Variants in GRIN2D observed in about 807,000 individuals in gnomAD.
The protein encoded by GRIN2D is glutamate receptor ionotropic, NMDA 2D.
In GRIN2D, 37 loss-of-function variants were observed where a neutral mutation model predicts 103.2. The observed-to-expected ratio is 0.36, with a 90% confidence interval of 0.28 to 0.47. GRIN2D has a LOEUF of 0.47. Among genes scored for constraint, GRIN2D ranks in the 20% least tolerant of loss-of-function variants. The pLI, the probability that GRIN2D is intolerant of heterozygous loss-of-function variation, is 1.00. For synonymous variants in GRIN2D, 845 were observed against 885.6 expected (o/e 0.95, Z 0.81); for missense variants, 1,557 against 1,910.6 (o/e 0.81, Z 3.45).
In GRIN2D at chr19:48,410,145, C is replaced by T. The variant is rs546204957; in HGVS notation, c.1086-3846C>T. 1.5e-4 allele frequency among the ~76,000 whole-genome samples: 22 copies of T among 151,066 alleles called. No individual in the cohort carries two copies. In the South Asian group the frequency reaches 1.5e-3, roughly 10 times the overall value. On this transcript the variant is annotated intron_variant, in intron 4 of 13. Coordinates refer to ENST00000263269, the MANE Select transcript of GRIN2D (RefSeq NM_000836.4). ...GAAATAGTATTCCAGTCAGGGGAAA[C>T]GAGCATATGCAAAAACCCAGAGGGG... is the stretch of plus-strand genomic sequence containing the variant.
Position 48,442,048 on chromosome 19 carries a change from G to A in GRIN2D, c.2440+92G>A, listed in dbSNP as rs976289259. 1 of 1,507,042 alleles carries A rather than the reference G, an allele frequency of 6.6e-7. No homozygotes were observed. The highest frequency in any genetic ancestry group is 9.1e-7 in the Non-Finnish European group (1 of 1,100,508). The allele number at this position is 1,507,042 out of a possible 1,614,324, so 93.4% of individuals were successfully genotyped here. On this transcript the variant is annotated intron_variant, in intron 12 of 13. Coordinates refer to ENST00000263269, the MANE Select transcript of GRIN2D (RefSeq NM_000836.4). This position sits in a 1 kb window ranked among gnomAD's most constrained non-coding sequence, Gnocchi z 7.2. ...GAAAGGGACAAAGACCCGGACACCAGGGTCTGAGGGAGGAAGGGGCTAAGG... is the reference window on the plus strand; with the variant it reads ...GAAAGGGACAAAGACCCGGACACCAAGGTCTGAGGGAGGAAGGGGCTAAGG...
chr19:48,420,211 G>C (rs1971004086), intron 10 of GRIN2D, among the ~76,000 whole-genome samples: 2 of 147,324 alleles, frequency 1.4e-5, no homozygotes, highest in African/African-American at 2.5e-5. Context: ...GGCGGATCAC[G>C]AGGTCAGGAG....
At chr19:48,406,114 T>TCTATTCTGATTAGCTAGACGC (rs1970789049) in intron 4 of GRIN2D, among the ~76,000 whole-genome samples, 2 of 152,152 alleles carry the variant, frequency 1.3e-5, no homozygotes, top group African/African-American at 4.8e-5. Context: ...TAGCTAGACG[T>TCTATTCTGATTAGCTAGACGC]CTATTCTGAT....
In GRIN2D at chr19:48,419,677, G is replaced by A; in HGVS notation, c.1954G>A (p.Gly652Arg). ...TTCGGTGCCCGTGGAGAACCCCCGG[G>A]GAACCACCAGCAAAATCATGGTGCT... is the stretch of plus-strand genomic sequence containing the variant. ...NNSVPVENPR[G>R]TTSKIMVLVW... Residue 652 changes from glycine (G) to arginine (R), a missense_variant, in exon 10 of 14, where the codon GGA (glycine) becomes AGA (arginine). Gly to Arg is a moderately radical substitution (Grantham distance 125). Around this residue, in one of 7 missense-constraint regions of GRIN2D, gnomAD observed 197 missense variants for 334.1 expected, o/e 0.59. Transcript: ENST00000263269. The A allele has an allele frequency of 6.2e-7, 1 of 1,613,598 alleles. No individual in the cohort carries two copies. The highest frequency in any genetic ancestry group is 1.1e-5 in the South Asian group (1 of 91,048).
At chr19:48,439,248 A>G (rs942092266) in intron 11 of GRIN2D, among the ~76,000 whole-genome samples, 1 of 151,492 alleles carries the variant, frequency 6.6e-6, no homozygotes, top group Admixed American at 6.6e-5. Context: ...AAACAAATAA[A>G]TAAATAAATA....
In GRIN2D at chr19:48,441,760, TC is replaced by T; in HGVS notation, c.2253-3del. 6.2e-7 allele frequency: 1 copy of T among 1,603,226 alleles called. No individual in the cohort carries two copies. Among genetic ancestry groups the T allele is most frequent in the Non-Finnish European group, 8.5e-7 (1 of 1,172,786 alleles). Reference sequence around the variant, plus strand: ...GACTGACCCTACCCTCCATTCCCCCTCCCCCCAGGAAGCTGGACGCCTTCAT... The same window carrying T: ...GACTGACCCTACCCTCCATTCCCCCTCCCCCAGGAAGCTGGACGCCTTCAT... On this transcript the variant is annotated splice_region_variant and splice_polypyrimidine_tract_variant and intron_variant, in intron 11 of 13. Transcript: ENST00000263269.
At chr19:48,441,033 G>A (rs114476665) in intron 11 of GRIN2D, among the ~76,000 whole-genome samples, 1,854 of 152,168 alleles carry the variant, frequency 0.012, 34 homozygotes, top group African/African-American at 0.043. Context: ...ACTCTTTGGA[G>A]GGCTATGGTG....
At chr19:48,413,466 A>C (rs1481973966) in intron 4 of GRIN2D, among the ~76,000 whole-genome samples, 1 of 152,008 alleles carries the variant, frequency 6.6e-6, no homozygotes, top group African/African-American at 2.4e-5. Flanking sequence ...GTGACAGAGC[A>C]AGACTCTGTC....
rs181374749 is a variant in GRIN2D at position 48,431,611 on chromosome 19, T to C, written c.2252+9666T>C. Among the ~76,000 whole-genome samples, 56 of 147,660 alleles carry C rather than the reference T, an allele frequency of 3.8e-4. 2 individuals are homozygous for C. In the East Asian group the frequency reaches 6.4e-3, roughly 17 times the overall value. On this transcript the variant is annotated intron_variant, in intron 11 of 13. Coordinates refer to ENST00000263269, the MANE Select transcript of GRIN2D (RefSeq NM_000836.4). ...TTTTTTTTTTTTTTTTGAGACGGAG[T>C]TTCACTCTTGTTGCCCAGGCTGGAG...
At chr19:48,418,912 CTAGGGGTATGGGTGTGCCAT>C in intron 8 of GRIN2D, among the ~76,000 whole-genome samples, 1 of 152,116 alleles carries the variant, frequency 6.6e-6, no homozygotes, top group East Asian at 1.9e-4. Flanking sequence ...TGGCTGCCTC[CTAGGGGTATGGGTGTGCCAT>C]AAGACTATCT....
chr19:48,438,300 T>TG (rs1971254874), intron 11 of GRIN2D, among the ~76,000 whole-genome samples: 1 of 129,282 alleles, frequency 7.7e-6, no homozygotes, highest in African/African-American at 3.0e-5. Context: ...TTTTTTTTTT[T>TG]TTTTTTTTTT....
At position 48,442,914 on chromosome 19, in the gene GRIN2D, C is replaced by T. The variant is rs1056158936; in HGVS notation, c.2988C>T (p.Ala996=). The part of the protein sequence containing the change: ...GAAGRPLSPP[A]AQPPQKPPPS... Reference sequence around the variant, plus strand: ...CCGGGCGCCCGCTGTCCCCGCCGGCCGCTCAGCCCCCGCAGAAGCCGCCGC... The same window carrying T: ...CCGGGCGCCCGCTGTCCCCGCCGGCTGCTCAGCCCCCGCAGAAGCCGCCGC... Residue 996 remains alanine (A), a synonymous_variant, in exon 14 of 14, where the codon GCC becomes GCT. Coordinates refer to ENST00000263269, the MANE Select transcript of GRIN2D (RefSeq NM_000836.4). The surrounding 1 kb of genome is among the most constrained non-coding windows in gnomAD (Gnocchi z 7.2). 7.2e-6 allele frequency: 8 copies of T among 1,108,992 alleles called. No homozygotes were observed. Among genetic ancestry groups the T allele is most frequent in the Admixed American group, 9.9e-5 (2 of 20,234 alleles). 68.7% of individuals were successfully genotyped at this position (1,108,992 alleles called of 1,614,324 possible). A position where few individuals can be genotyped will look rare whatever the true frequency, so the allele number is the denominator to read the frequency against.
In GRIN2D at chr19:48,421,254, C is replaced by T. The variant is rs1476253314; in HGVS notation, c.2092-531C>T. Among the ~76,000 whole-genome samples, 2 of 151,972 alleles carry T rather than the reference C, an allele frequency of 1.3e-5. No individual in the cohort carries two copies. The highest frequency in any genetic ancestry group is 4.8e-5 in the African/African-American group (2 of 41,382). The stretch of plus-strand genomic sequence containing the variant: ...GACCAGCCTGACCAACATGGAGAAA[C>T]CCCATCTCTACTAAAAATACAAAAC... On this transcript the variant is annotated intron_variant, in intron 10 of 13. Transcript: ENST00000263269. This position sits in a 1 kb window ranked among gnomAD's most constrained non-coding sequence, Gnocchi z 4.8.
chr19:48,414,640 A>C lies in GRIN2D; in HGVS notation c.1412+56A>C. ...CCAAAACCCGCCTCCCGTGAAGCCC[A>C]GTAGTCTGGGCCCCCAGCCCCCTCC... On this transcript the variant is annotated intron_variant, in intron 6 of 13. Coordinates refer to ENST00000263269, the MANE Select transcript of GRIN2D (RefSeq NM_000836.4). The surrounding 1 kb of genome is among the most constrained non-coding windows in gnomAD (Gnocchi z 4.6). 5 of 1,488,308 alleles carry C rather than the reference A, an allele frequency of 3.4e-6. No homozygotes were observed. Among genetic ancestry groups the C allele is most frequent in the Non-Finnish European group, 4.6e-6 (5 of 1,093,136 alleles). The allele number at this position is 1,488,308 out of a possible 1,614,324, so 92.2% of individuals were successfully genotyped here.
At chr19:48,395,946 G>A (rs976365541) in intron 2 of GRIN2D, among the ~76,000 whole-genome samples, 6 of 151,474 alleles carry the variant, frequency 4.0e-5, no homozygotes, top group African/African-American at 9.7e-5. Context: ...TGGGTCCTGG[G>A]AAAGAACAGG....
At chr19:48,402,703 G>A (rs1206126998) in intron 3 of GRIN2D, among the ~76,000 whole-genome samples, 1 of 114,198 alleles carries the variant, frequency 8.8e-6, no homozygotes, top group African/African-American at 3.4e-5. Context: ...CGGCCTGGGC[G>A]ACAGAGCAAG....
At position 48,419,190 on chromosome 19, in the gene GRIN2D, C is replaced by G. The variant is rs368478048; in HGVS notation, c.1736-44C>G. 5 of 1,577,556 alleles carry G rather than the reference C, an allele frequency of 3.2e-6. No homozygotes were observed. In the African/African-American group the frequency reaches 6.9e-5, roughly 22 times the overall value. ...CACCGCCCCAGCCTGATCCCCGAGT[C>G]TTTTGCTTGGCTGAGCCATAACCAC... On this transcript the variant is annotated intron_variant, in intron 8 of 13. Transcript: ENST00000263269.
chr19:48,424,322 G>C (rs914476383), intron 11 of GRIN2D, among the ~76,000 whole-genome samples: 1 of 145,100 alleles, frequency 6.9e-6, no homozygotes, highest in African/African-American at 2.6e-5. Flanking sequence ...CCAGGCTGGA[G>C]TGCAGTGGCA....
Position 48,405,383 on chromosome 19 carries a change from G to A in GRIN2D, c.1085+30G>A. ...GTGGGGCTGGAATGGGAGGGGTGTG[G>A]GAGGGCTCCCAGAGCCTAACTACCT... is the stretch of plus-strand genomic sequence containing the variant. On this transcript the variant is annotated intron_variant, in intron 4 of 13. Transcript: ENST00000263269. This position sits in a 1 kb window ranked among gnomAD's most constrained non-coding sequence, Gnocchi z 5.1. 6.6e-7 allele frequency: 1 copy of A among 1,526,544 alleles called. No individual in the cohort carries two copies. Among genetic ancestry groups the A allele is most frequent in the Non-Finnish European group, 8.8e-7 (1 of 1,136,754 alleles). 94.6% of individuals were successfully genotyped at this position (1,526,544 alleles called of 1,614,324 possible).
Sources: allele counts gnomAD v4.1 joint callset (sites outside exome capture counted in the v4.1 genomes callset), GRCh38; gene constraint gnomAD v4.1.1; regional missense constraint gnomAD v4.1.1; non-coding constraint Gnocchi (gnomAD v3.1); transcripts MANE v1.5; gene names NCBI Gene and HGNC (gene_info 2026-07-23, HGNC 2026-07-21).